Variants in SACS observed in about 807,000 individuals in gnomAD.
SACS encodes the protein sacsin molecular chaperone, also known as sacsin.
Under a neutral mutation model 348.0 loss-of-function variants are expected in SACS, and 197 were observed. The ratio of observed to expected loss-of-function variants is 0.57; its 90% CI spans 0.50 to 0.64. The LOEUF (loss-of-function observed/expected upper bound fraction) is 0.64, where lower values mean the gene tolerates loss of function less well. Among genes scored for constraint, SACS ranks in the 30% least tolerant of loss-of-function variants. SACS has a pLI of 0.00. For missense variants in SACS, 4,999 were observed against 5,360.8 expected, an observed-to-expected ratio of 0.93 and a Z score of 2.11; for synonymous variants, 1,985 against 1,910.6, an observed-to-expected ratio of 1.04 and a Z score of -1.02.
At chr13:23,429,654 T>C (rs140805582) in intron 1 of SACS, among the ~76,000 whole-genome samples, 1,686 of 151,852 alleles carry the variant, frequency 0.011, 36 homozygotes, top group African/African-American at 0.038. Context: ...TGAGCCACCG[T>C]GCCAGGCCCG....
Position 23,336,247 on chromosome 13 carries a change from C to T in SACS, c.7629G>A (p.Lys2543=). 6.2e-7 allele frequency: 1 copy of T among 1,614,048 alleles called. No individual in the cohort carries two copies. Among genetic ancestry groups the T allele is most frequent in the Non-Finnish European group, 8.5e-7 (1 of 1,179,944 alleles). The change falls in exon 10 of 10, where the codon AAG becomes AAA. Residue 2543 remains lysine, a synonymous_variant. Coordinates refer to ENST00000382292, the MANE Select transcript of SACS (RefSeq NM_014363.6). ...KSILNAYPSE[K]EMLKELLQNA... ...TTTGAAGAAGCTCTTTCAACATTTC[C>T]TTTTCAGAAGGATATGCATTAAGGA...
chr13:23,340,635 G>T lies in SACS; in HGVS notation c.3241C>A (p.Pro1081Thr). ...TGTCTTAAGGAGTGAAGAATATCTG[G>T]TGAGGTAAAAACTGAGGGTGGGAAA... ...TYFPPSVFTS[P>T]DILHSLRQIG... is the part of the protein sequence containing the mutation. Residue 1081 changes from proline (P) to threonine (T), a missense_variant, in exon 10 of 10, where the codon CCA becomes ACA. By Grantham distance (38) the Pro-to-Thr change is conservative (BLOSUM62 -1). This residue lies in a region of SACS where 3,156 missense variants were observed against 3,380.1 expected (regional missense o/e 0.93). Coordinates refer to ENST00000382292, the MANE Select transcript of SACS (RefSeq NM_014363.6). 9 of 1,607,558 alleles carry T rather than the reference G, an allele frequency of 5.6e-6. No individual in the cohort carries two copies. The highest frequency in any genetic ancestry group is 7.6e-6 in the Non-Finnish European group (9 of 1,178,350).
At chr13:23,395,319 TA>T (rs1361392332) in intron 2 of SACS, among the ~76,000 whole-genome samples, 2 of 152,196 alleles carry the variant, frequency 1.3e-5, no homozygotes, top group African/African-American at 4.8e-5. Context: ...CTAGGGCCAC[TA>T]GGGCATGCAC....
At position 23,332,158 on chromosome 13, in the gene SACS, C is replaced by T. The variant is rs373803461; in HGVS notation, c.11718G>A (p.Ala3906=). ...RSDLENVRDL[A]LYLPSQDGRL... ...TACCATCCTGGCTTGGGAGGTAAAG[C>T]GCAAGGTCTCGTACATTCTCGAGAT... The change falls in exon 10 of 10, where the codon GCG becomes GCA. Residue 3906 remains alanine, a synonymous_variant. Coordinates refer to ENST00000382292, the MANE Select transcript of SACS (RefSeq NM_014363.6). 8.1e-6 allele frequency: 13 copies of T among 1,613,876 alleles called. No homozygotes were observed. The highest frequency in any genetic ancestry group is 6.6e-5 in the South Asian group (6 of 91,078).
intron 9 of SACS, 126 bp downstream of exon 9, chr13:23,353,659 A>G: frequency 3.2e-6 from 2 of 631,056 alleles, no homozygotes. Flanking sequence ...TTAAAACACA[A>G]AAAGTTTATT....
Position 23,335,856 on chromosome 13 carries a change from A to G in SACS, c.8020T>C (p.Phe2674Leu). ...GRMFRDLDAD[F>L]RTQFSDVLDL... ...AGAACATCTGAGAACTGTGTCCTAAAATCTGCATCCAAATCTCTAAACATG... is the reference window on the plus strand; with the variant it reads ...AGAACATCTGAGAACTGTGTCCTAAGATCTGCATCCAAATCTCTAAACATG... Residue 2674 changes from phenylalanine (F) to leucine (L), a missense_variant, in exon 10 of 10, where the codon TTT becomes CTT. Transcript: ENST00000382292. The surrounding 1 kb of genome is among the most constrained non-coding windows in gnomAD (Gnocchi z 4.7). 2 of 1,614,006 alleles carry G rather than the reference A, an allele frequency of 1.2e-6. No individual in the cohort carries two copies. Among genetic ancestry groups the G allele is most frequent in the South Asian group, 2.2e-5 (2 of 91,076 alleles).
chr13:23,391,056 G>A (rs1872511634), intron 2 of SACS, among the ~76,000 whole-genome samples: 1 of 152,246 alleles, frequency 6.6e-6, no homozygotes, highest in African/African-American at 2.4e-5. Flanking sequence ...GTGCAACACA[G>A]GGTCTCTGGG....
At chr13:23,379,702 A>C (rs1437418468) in intron 2 of SACS, among the ~76,000 whole-genome samples, 1 of 152,240 alleles carries the variant, frequency 6.6e-6, no homozygotes, top group Non-Finnish European at 1.5e-5. Flanking sequence ...AATGGGAATA[A>C]CAGCAACACC....
rs2137720859 is a variant in SACS at position 23,355,022 on chromosome 13, A to G, written c.1590T>C (p.Val530=). The G allele has an allele frequency of 2.5e-6, 4 of 1,614,206 alleles. No homozygotes were observed. The highest frequency in any genetic ancestry group is 2.5e-6 in the Non-Finnish European group (3 of 1,180,030). ...KSSDFPLSVD[V]IYKLWPEASK... ...TCGCCTCCGGCCAAAGCTTATAGATAACATCAACTGACAAGGGGAAATCAG... is the reference window on the plus strand; with the variant it reads ...TCGCCTCCGGCCAAAGCTTATAGATGACATCAACTGACAAGGGGAAATCAG... Residue 530 remains valine, a synonymous_variant, in exon 8 of 10, where the codon GTT becomes GTC. Transcript: ENST00000382292.
At chr13:23,378,000 C>T (rs1258171020) in intron 2 of SACS, among the ~76,000 whole-genome samples, 2 of 152,200 alleles carry the variant, frequency 1.3e-5, no homozygotes, top group Non-Finnish European at 2.9e-5. Context: ...CAGGTAGACA[C>T]AATTGCTTCG....
At chr13:23,399,019 CAAAA>C (rs752943692) in intron 2 of SACS, among the ~76,000 whole-genome samples, 1,565 of 67,144 alleles carry the variant, frequency 0.023, 66 homozygotes, top group African/African-American at 0.082. Flanking sequence ...GACTCCATCT[CAAAA>C]AAAAAAAAAA....
chr13:23,346,929 G>A (rs1345359902), intron 9 of SACS: 1 of 344,332 alleles, frequency 2.9e-6, no homozygotes, highest in Non-Finnish European at 4.1e-6. Flanking sequence ...TTAAGATACT[G>A]CTGTCTGTAG....
chr13:23,429,363 T>TTTTTTTTTTG, intron 1 of SACS, among the ~76,000 whole-genome samples: 2 of 124,848 alleles, frequency 1.6e-5, no homozygotes, highest in Admixed American at 8.3e-5. Flanking sequence ...TTTTTTTTTT[T>TTTTTTTTTTG]TTTTTTTTTT....
intron 2 of SACS, among the ~76,000 whole-genome samples, chr13:23,387,910 C>T (rs1872360839): frequency 6.6e-6 from 1 of 152,082 alleles, no homozygotes; most frequent in Non-Finnish European, 1.5e-5. Flanking sequence ...CCACTGTACC[C>T]CAGCCAGAAA....
chr13:23,348,558 G>A (rs1257666619), intron 9 of SACS, among the ~76,000 whole-genome samples: 3 of 152,128 alleles, frequency 2.0e-5, no homozygotes, highest in African/African-American at 7.2e-5. Flanking sequence ...GTAAAAACAT[G>A]ATTCTAATAA....
At chr13:23,376,750 G>C (rs1421284141) in intron 2 of SACS, among the ~76,000 whole-genome samples, 1 of 152,176 alleles carries the variant, frequency 6.6e-6, no homozygotes, top group Non-Finnish European at 1.5e-5. Context: ...AAAGCCCTAA[G>C]GGCCAAATAT....
chr13:23,391,971 C>T (rs1309440598), intron 2 of SACS, among the ~76,000 whole-genome samples: 1 of 152,138 alleles, frequency 6.6e-6, no homozygotes, highest in Non-Finnish European at 1.5e-5. Context: ...TTTTGCAGAC[C>T]AGATGCAGAC....
chr13:23,406,846 C>CA (rs1326792160), intron 2 of SACS, among the ~76,000 whole-genome samples: 1 of 152,056 alleles, frequency 6.6e-6, no homozygotes, highest in Non-Finnish European at 1.5e-5. Context: ...TATCTTGAAT[C>CA]AAAAAGGGGA....
chr13:23,375,492 A>C, intron 2 of SACS: 1 of 1,142,548 alleles, frequency 8.8e-7, no homozygotes, highest in Non-Finnish European at 1.1e-6. Flanking sequence ...CGTACGCAGC[A>C]GCCCGCGCCG....
Sources: gnomAD v4.1 joint callset for allele counts (sites outside exome capture counted in the v4.1 genomes callset) on GRCh38, gnomAD v4.1.1 for gene constraint, gnomAD v4.1.1 regional missense constraint, Gnocchi (gnomAD v3.1) non-coding constraint, MANE v1.5 for transcripts, NCBI Gene and HGNC (gene_info 2026-07-23, HGNC 2026-07-21) for gene names.